The following TMEM169 variants were observed in gnomAD, a reference collection of about 807,000 sequenced individuals.
TMEM169 encodes the protein transmembrane protein 169.
In TMEM169, 18 loss-of-function variants were observed where a neutral mutation model predicts 27.3. That is an observed-to-expected ratio of 0.66 (90% CI 0.46 to 0.98). The LOEUF (loss-of-function observed/expected upper bound fraction) is 0.98. Ranked by LOEUF, TMEM169 falls within the 50% of genes least tolerant of loss-of-function variation. TMEM169 has a pLI of 0.00. For synonymous variants in TMEM169, 136 were observed against 142.1 expected (o/e 0.96, Z 0.30); for missense variants, 320 against 368.6 (o/e 0.87, Z 1.08).
chr2:216,096,255 T>A (rs1374062779), intron 2 of TMEM169, 21 bp downstream of exon 2: 1 of 1,601,966 alleles, frequency 6.2e-7, no homozygotes, highest in African/African-American at 1.3e-5. Context: ...CTAGCCCACT[T>A]GTTTAAAGCC....
In TMEM169 at chr2:216,100,346, A is replaced by C. The variant is rs751790852; in HGVS notation, c.698A>C (p.Gln233Pro). ...SSLGLYAAVV[Q>P]LSWSWEAWWQ... ...CTCGGCCTCTACGCTGCTGTGGTCC[A>C]GCTCTCGTGGTCCTGGGAAGCATGG... The change falls in exon 3 of 3, where the codon CAG becomes CCG. Residue 233 changes from glutamine to proline, a missense_variant. Gln to Pro is a moderately conservative substitution (Grantham distance 76, BLOSUM62 -1). Coordinates refer to ENST00000437356, the MANE Select transcript of TMEM169 (RefSeq NM_001142311.2). The C allele has an allele frequency of 1.2e-6, 2 of 1,613,930 alleles. No homozygotes were observed. Among genetic ancestry groups the C allele is most frequent in the Admixed American group, 3.3e-5 (2 of 59,976 alleles).
At position 216,100,870 on chromosome 2, in the gene TMEM169, T is replaced by C; in HGVS notation, c.*328T>C. Reference sequence around the variant, plus strand: ...CCTGGAACTGAGGGGAGTATGTGACTAAATGTGTCAGGGAGAATAAAGAAC... The same window carrying C: ...CCTGGAACTGAGGGGAGTATGTGACCAAATGTGTCAGGGAGAATAAAGAAC... On this transcript the variant is annotated 3_prime_UTR_variant, in exon 3 of 3. Coordinates refer to ENST00000437356, the MANE Select transcript of TMEM169 (RefSeq NM_001142311.2). The C allele has an allele frequency of 2.7e-6, 1 of 369,904 alleles. No individual in the cohort carries two copies. The highest frequency in any genetic ancestry group is 5.1e-6 in the Non-Finnish European group (1 of 197,480). The allele number at this position is 369,904 out of a possible 1,614,324, so 22.9% of individuals were successfully genotyped here.
intron 1 of TMEM169, among the ~76,000 whole-genome samples, chr2:216,092,327 G>C (rs905703107): frequency 6.6e-6 from 1 of 152,048 alleles, no homozygotes; most frequent in Non-Finnish European, 1.5e-5. Context: ...CAAATCAAGA[G>C]TGTCGAACAC....
Position 216,100,477 on chromosome 2 carries a change from GAC to G in TMEM169, c.831_832del (p.Asp277GlufsTer64). On this transcript the variant is annotated frameshift_variant, in exon 3 of 3. Transcript: ENST00000437356. LOFTEE classifies it high-confidence loss of function. ...CAGCATTGTGGAGTTGCTTGAATCC[GAC>G]AATATCTCAAGCACTCTCTCCAACA... Reference protein sequence around the residue: ...PYSIVELLESDNISSTLSNKD... With the variant: ...PYSIVELLESXNISSTLSNKD... The G allele has an allele frequency of 6.2e-7, 1 of 1,613,922 alleles. No homozygotes were observed. Among genetic ancestry groups the G allele is most frequent in the Non-Finnish European group, 8.5e-7 (1 of 1,180,002 alleles).
At chr2:216,095,534 G>T (rs1269340500) in intron 1 of TMEM169, among the ~76,000 whole-genome samples, 1 of 152,038 alleles carries the variant, frequency 6.6e-6, no homozygotes, top group African/African-American at 2.4e-5. Context: ...ATAAAATAAA[G>T]AAACAATAAT....
At chr2:216,082,868 C>T (rs952433186) in intron 1 of TMEM169, 3 of 152,158 alleles carry the variant, frequency 2.0e-5, no homozygotes, top group African/African-American at 7.2e-5. Flanking sequence ...GTTGCATTTT[C>T]CCCGGACAGG....
chr2:216,091,578 A>AAAGAG (rs746507441), intron 1 of TMEM169, among the ~76,000 whole-genome samples: 1 of 113,368 alleles, frequency 8.8e-6, no homozygotes, highest in Non-Finnish European at 1.7e-5. Context: ...AAAAAAAAAA[A>AAAGAG]AGAGAGAGAC....
At chr2:216,097,438 C>T (rs1481170978) in intron 2 of TMEM169, among the ~76,000 whole-genome samples, 6 of 152,074 alleles carry the variant, frequency 3.9e-5, no homozygotes, top group Non-Finnish European at 4.4e-5. Flanking sequence ...GAGGTCCCAG[C>T]TACTTCAAAG....
Position 216,100,167 on chromosome 2 carries a change from C to T in TMEM169, c.519C>T (p.Ile173=), listed in dbSNP as rs1696358584. The change falls in exon 3 of 3, where the codon ATC becomes ATT. Residue 173 remains isoleucine, a synonymous_variant. Coordinates refer to ENST00000437356, the MANE Select transcript of TMEM169 (RefSeq NM_001142311.2). ...WTLICLPVVF[I]LSFVVSFYYG... ...TGATCTGCCTGCCTGTGGTTTTCAT[C>T]CTTTCTTTTGTTGTCTCTTTCTACT... 6.2e-7 allele frequency: 1 copy of T among 1,613,910 alleles called. No homozygotes were observed. The highest frequency in any genetic ancestry group is 8.5e-7 in the Non-Finnish European group (1 of 1,180,028).
rs1696376717 is a variant in TMEM169 at position 216,100,641 on chromosome 2, GTTC to G, written c.*104_*106del. On this transcript the variant is annotated 3_prime_UTR_variant, in exon 3 of 3. Transcript: ENST00000437356. ...TTTAAATTACCCCCTACTCTCCGCAGTTCTTCTGGGAAATCAGAGTCCATACTG... is the reference window on the plus strand; with the variant it reads ...TTTAAATTACCCCCTACTCTCCGCAGTTCTGGGAAATCAGAGTCCATACTG... The G allele has an allele frequency of 6.6e-7, 1 of 1,506,258 alleles. No individual in the cohort carries two copies. Among genetic ancestry groups the G allele is most frequent in the Middle Eastern group, 1.8e-4 (1 of 5,490 alleles). The allele number at this position is 1,506,258 out of a possible 1,614,324, so 93.3% of individuals were successfully genotyped here.
At chr2:216,094,506 C>T (rs1266181854) in intron 1 of TMEM169, among the ~76,000 whole-genome samples, 3 of 152,132 alleles carry the variant, frequency 2.0e-5, no homozygotes, top group African/African-American at 4.8e-5. Flanking sequence ...TGGCCATTAA[C>T]GGGCTGTTAA....
At chr2:216,086,561 C>T (rs1247955447) in intron 1 of TMEM169, among the ~76,000 whole-genome samples, 2 of 152,204 alleles carry the variant, frequency 1.3e-5, no homozygotes, top group Admixed American at 1.3e-4. Context: ...AGATCAAATA[C>T]TTACAGCATA....
intron 1 of TMEM169, among the ~76,000 whole-genome samples, chr2:216,088,834 C>T (rs1447940883): frequency 1.3e-5 from 2 of 152,054 alleles, no homozygotes; most frequent in Non-Finnish European, 2.9e-5. Flanking sequence ...TCCCCCTTCT[C>T]CTTTTTTCTC....
At chr2:216,090,084 A>G (rs933641988) in intron 1 of TMEM169, among the ~76,000 whole-genome samples, 2 of 152,200 alleles carry the variant, frequency 1.3e-5, no homozygotes, top group South Asian at 2.1e-4. Context: ...AGGGCAGAAG[A>G]TTGCAGGATG....
At position 216,081,994 on chromosome 2, in the gene TMEM169, T is replaced by C. The variant is rs922153603; in HGVS notation, c.-127+15T>C. ...GGCAGGTGTGGGTGAGACTGCTCGT[T>C]CGTTTCTTTAAATTTCGATGCCATT... On this transcript the variant is annotated intron_variant, in intron 1 of 2. Transcript: ENST00000437356. 2.0e-6 allele frequency: 1 copy of C among 490,386 alleles called. No individual in the cohort carries two copies. Among genetic ancestry groups the C allele is most frequent in the Non-Finnish European group, 3.6e-6 (1 of 277,232 alleles). The allele number at this position is 490,386 out of a possible 1,614,324, so 30.4% of individuals were successfully genotyped here. A position where few individuals can be genotyped will look rare whatever the true frequency, so the allele number is the denominator to read the frequency against.
intron 1 of TMEM169, among the ~76,000 whole-genome samples, chr2:216,086,624 G>A (rs151139622): frequency 5.9e-4 from 90 of 152,276 alleles, no homozygotes; most frequent in African/African-American, 2.1e-3. Flanking sequence ...CTTAACAGTT[G>A]TTTATGTCAT....
intron 1 of TMEM169, among the ~76,000 whole-genome samples, chr2:216,089,842 T>C (rs1696086036): frequency 6.6e-6 from 1 of 152,224 alleles, no homozygotes; most frequent in African/African-American, 2.4e-5. Flanking sequence ...ACTGCTATAT[T>C]TAACGCATTG....
chr2:216,096,288 A>C, intron 2 of TMEM169, 54 bp downstream of exon 2: 1 of 1,573,486 alleles, frequency 6.4e-7, no homozygotes, highest in South Asian at 1.2e-5. Context: ...CCAAAAGGGC[A>C]TCTTCCAGAA....
At chr2:216,089,235 C>T (rs1444461368) in intron 1 of TMEM169, among the ~76,000 whole-genome samples, 1 of 152,142 alleles carries the variant, frequency 6.6e-6, no homozygotes, top group Non-Finnish European at 1.5e-5. Context: ...GAATCAACAG[C>T]TTTGGTGTGA....
Sources: allele counts gnomAD v4.1 joint callset (sites outside exome capture counted in the v4.1 genomes callset), GRCh38; gene constraint gnomAD v4.1.1; transcripts MANE v1.5; gene names NCBI Gene and HGNC (gene_info 2026-07-23, HGNC 2026-07-21).